The following RAB38 variants were observed in gnomAD, a reference collection of about 807,000 sequenced individuals.
RAB38 encodes RAB38, member RAS oncogene family.
Under a neutral mutation model 18.4 loss-of-function variants are expected in RAB38, and 15 were observed. That is an observed-to-expected ratio of 0.82 (90% confidence interval 0.55 to 1.26). The LOEUF (loss-of-function observed/expected upper bound fraction) is 1.26. RAB38 is among the 50% of genes most tolerant of loss of function. The pLI, the probability that RAB38 is intolerant of heterozygous loss-of-function variation, is 0.00. For synonymous variants in RAB38, 101 were observed against 104.4 expected, an observed-to-expected ratio of 0.97 and a Z score of 0.20; for missense variants, 294 against 267.4, an observed-to-expected ratio of 1.10 and a Z score of -0.69.
chr11:88,009,106 A>G, the RAB38 span, among the ~76,000 whole-genome samples: 1 of 152,244 alleles, frequency 6.6e-6, no homozygotes, highest in African/African-American at 2.4e-5. Flanking sequence ...AAATATGTAC[A>G]ACCTTCCAGA....
At chr11:87,891,716 T>C in the RAB38 span, among the ~76,000 whole-genome samples, 4 of 151,890 alleles carry the variant, frequency 2.6e-5, no homozygotes, top group Non-Finnish European at 4.4e-5. Flanking sequence ...GAATATGTTA[T>C]GTGTATCAAG....
chr11:87,949,712 C>G, the RAB38 span, among the ~76,000 whole-genome samples: 2 of 152,180 alleles, frequency 1.3e-5, no homozygotes, highest in Non-Finnish European at 2.9e-5. Context: ...GAGTGAGTTT[C>G]TTAATCCTGA....
chr11:88,157,041 C>A lies in RAB38; in HGVS notation c.203-7086G>T, dbSNP rs117608332. ...GTCTAAGCTCCCCACTTAAAAGGCACAGAATGGCAAGTCAGAAACAAAAAC... is the reference window on the plus strand; with the variant it reads ...GTCTAAGCTCCCCACTTAAAAGGCAAAGAATGGCAAGTCAGAAACAAAAAC... On this transcript the variant is annotated intron_variant, in intron 1 of 2. Transcript: ENST00000243662. Among the ~76,000 whole-genome samples the A allele has an allele frequency of 5.5e-4, 84 of 152,264 alleles. 2 individuals carry two copies. In the East Asian group the frequency reaches 0.015, roughly 28 times the overall value.
chr11:87,893,147 C>T, the RAB38 span, among the ~76,000 whole-genome samples: 1 of 151,230 alleles, frequency 6.6e-6, no homozygotes. Context: ...GATACTTTCT[C>T]TTCGTCTTTC....
chr11:87,958,270 A>G, the RAB38 span, among the ~76,000 whole-genome samples: 17 of 152,310 alleles, frequency 1.1e-4, no homozygotes, highest in African/African-American at 3.8e-4. Flanking sequence ...CGGCTAAGCT[A>G]CAATGTTCTG....
At chr11:87,873,579 C>A in the RAB38 span, among the ~76,000 whole-genome samples, 6 of 151,472 alleles carry the variant, frequency 4.0e-5, no homozygotes, top group African/African-American at 1.5e-4. Context: ...CTGGGAGTTT[C>A]ATAACTTTGC....
At chr11:87,891,737 G>GTGT in the RAB38 span, among the ~76,000 whole-genome samples, 1 of 151,980 alleles carries the variant, frequency 6.6e-6, no homozygotes, top group East Asian at 2.0e-4. Context: ...AATTTGAAAT[G>GTGT]TGTTGTAGAA....
chr11:88,022,630 A>AAAAAAAC, the RAB38 span, among the ~76,000 whole-genome samples: 2 of 151,106 alleles, frequency 1.3e-5, no homozygotes, highest in Non-Finnish European at 3.0e-5. Flanking sequence ...AAAAAAAAAA[A>AAAAAAAC]AACAACTATT....
At chr11:88,052,258 G>GA in the RAB38 span, among the ~76,000 whole-genome samples, 12 of 151,606 alleles carry the variant, frequency 7.9e-5, no homozygotes, top group South Asian at 2.1e-4. Context: ...CTGAATAACA[G>GA]AAAAAAAAGA....
the RAB38 span, among the ~76,000 whole-genome samples, chr11:88,007,363 T>TATA: frequency 0.85 from 128,381 of 151,496 alleles, 54,516 homozygotes; most frequent in South Asian, 0.91. Flanking sequence ...AAAAAGTACA[T>TATA]ATACTTATAT....
chr11:88,093,801 T>A, the RAB38 span, among the ~76,000 whole-genome samples: 25 of 152,088 alleles, frequency 1.6e-4, no homozygotes, highest in African/African-American at 5.8e-4. Context: ...TACCTACATA[T>A]GAAGCACCTT....
the RAB38 span, among the ~76,000 whole-genome samples, chr11:87,873,922 G>GTGTGTGTATATATA: frequency 1.6e-4 from 17 of 103,116 alleles, no homozygotes; most frequent in Admixed American, 1.8e-3. Flanking sequence ...GTGTGTGTGT[G>GTGTGTGTATATATA]TATATATATA....
chr11:87,903,394 C>A, the RAB38 span, among the ~76,000 whole-genome samples: 7 of 151,206 alleles, frequency 4.6e-5, no homozygotes. Flanking sequence ...ATCAAACTTT[C>A]AATATTGGGG....
In RAB38 at chr11:88,175,203, A is replaced by G; in HGVS notation, c.182T>C (p.Leu61Pro). The G allele has an allele frequency of 6.2e-7, 1 of 1,611,966 alleles. No homozygotes were observed. Among genetic ancestry groups the G allele is most frequent in the Non-Finnish European group, 8.5e-7 (1 of 1,179,028 alleles). The part of the protein sequence containing the change: ...LHWDPETVVR[L>P]QLWDIAGQER... ...CTCACCTGCGATATCCCAGAGCTGC[A>G]GGCGCACCACAGTCTCCGGGTCCCA... The change falls in exon 1 of 3, where the codon CTG (leucine) becomes CCG (proline). Residue 61 changes from leucine to proline, a missense_variant. By Grantham distance (98) the Leu-to-Pro change is moderately conservative. Coordinates refer to ENST00000243662, the MANE Select transcript of RAB38 (RefSeq NM_022337.3).
chr11:87,977,455 TA>T, the RAB38 span, among the ~76,000 whole-genome samples: 5 of 47,844 alleles, frequency 1.0e-4, no homozygotes, highest in African/African-American at 3.1e-4. Flanking sequence ...TTATATTACA[TA>T]ATATAATTAT....
the RAB38 span, among the ~76,000 whole-genome samples, chr11:88,025,919 G>C: frequency 2.0e-5 from 3 of 151,698 alleles, no homozygotes; most frequent in Admixed American, 1.3e-4. Context: ...GTGATTTTGA[G>C]GACTTACTCA....
At chr11:88,072,491 G>A in the RAB38 span, among the ~76,000 whole-genome samples, 5 of 152,128 alleles carry the variant, frequency 3.3e-5, no homozygotes, top group Non-Finnish European at 7.4e-5. Context: ...AAGGAGAAGA[G>A]AGAGAAAATG....
Position 88,144,511 on chromosome 11 carries a change from G to A in RAB38, c.483+5164C>T, listed in dbSNP as rs538620456. On this transcript the variant is annotated intron_variant, in intron 2 of 2. Coordinates refer to ENST00000243662, the MANE Select transcript of RAB38 (RefSeq NM_022337.3). Reference sequence around the variant, plus strand: ...CAACATGAGAAATATCCACTACACTGTGAAACATCCGTTCCTCTCCCTAAA... The same window carrying A: ...CAACATGAGAAATATCCACTACACTATGAAACATCCGTTCCTCTCCCTAAA... Among the ~76,000 whole-genome samples the A allele has an allele frequency of 1.0e-3, 155 of 152,336 alleles. 1 individual carries two copies. Among genetic ancestry groups the A allele is most frequent in the African/African-American group, 3.6e-3 (150 of 41,582 alleles).
At chr11:87,879,723 C>T in the RAB38 span, 1 of 151,752 alleles carries the variant, frequency 6.6e-6, no homozygotes, top group South Asian at 2.1e-4. Flanking sequence ...CTTTCATGAA[C>T]AACGTTAATC....
Sources: allele counts gnomAD v4.1 joint callset (sites outside exome capture counted in the v4.1 genomes callset), GRCh38; gene constraint gnomAD v4.1.1; transcripts MANE v1.5; gene names NCBI Gene and HGNC (gene_info 2026-07-23, HGNC 2026-07-21).